Variants in HDHD2 observed in about 807,000 individuals in gnomAD.
The protein encoded by HDHD2 is haloacid dehalogenase-like hydrolase domain-containing protein 2.
A neutral mutation model predicts 24.8 loss-of-function variants in HDHD2; 26 were observed. That is an observed-to-expected ratio of 1.05 (90% CI 0.77 to 1.45). The LOEUF (loss-of-function observed/expected upper bound fraction) is 1.45, where lower values mean the gene tolerates loss of function less well. HDHD2 is among the 40% of genes most tolerant of loss of function. The probability of loss-of-function intolerance (pLI) is 0.00; values close to 1 mark genes in which losing one functional copy is unlikely to be tolerated. For synonymous variants in HDHD2, 128 were observed against 114.9 expected, an observed-to-expected ratio of 1.11 and a Z score of -0.73; for missense variants, 299 against 313.4, an observed-to-expected ratio of 0.95 and a Z score of 0.35.
intron 3 of HDHD2, among the ~76,000 whole-genome samples, chr18:47,134,254 A>C (rs374669053): frequency 2.0e-5 from 3 of 152,364 alleles, no homozygotes; most frequent in African/African-American, 4.8e-5. Flanking sequence ...AGTATTGCTT[A>C]ACTTACATAA....
Position 47,130,216 on chromosome 18 carries a change from C to T in HDHD2, c.395+28G>A, listed in dbSNP as rs770899477. On this transcript the variant is annotated intron_variant, in intron 4 of 6. Coordinates refer to ENST00000300605, the MANE Select transcript of HDHD2 (RefSeq NM_032124.5). Reference sequence around the variant, plus strand: ...AAAGGAAGAAGGGAACTATTATGATCAGATGAAAAATAAATAGCTAGGTTT... The same window carrying T: ...AAAGGAAGAAGGGAACTATTATGATTAGATGAAAAATAAATAGCTAGGTTT... 6.7e-6 allele frequency: 9 copies of T among 1,343,030 alleles called. No homozygotes were observed. In the African/African-American group the frequency reaches 1.3e-4, roughly 20 times the overall value. The allele number at this position is 1,343,030 out of a possible 1,614,324, so 83.2% of individuals were successfully genotyped here. A position where few individuals can be genotyped will look rare whatever the true frequency, so the allele number is the denominator to read the frequency against.
intron 4 of HDHD2, among the ~76,000 whole-genome samples, chr18:47,129,490 T>A (rs1408342391): frequency 2.6e-5 from 4 of 152,118 alleles, no homozygotes; most frequent in African/African-American, 7.2e-5. Flanking sequence ...TCTCAATGTA[T>A]CCTTGACTCA....
At chr18:47,124,728 A>AAC (rs150762794) in intron 4 of HDHD2, among the ~76,000 whole-genome samples, 29 of 149,258 alleles carry the variant, frequency 1.9e-4, no homozygotes, top group African/African-American at 7.1e-4. Flanking sequence ...AAAAAAAAAA[A>AAC]CAACTTTGAC....
At chr18:47,138,737 TCTGA>T (rs1282615337) in intron 1 of HDHD2, among the ~76,000 whole-genome samples, 6 of 152,210 alleles carry the variant, frequency 3.9e-5, no homozygotes, top group Admixed American at 6.5e-5. Context: ...ACAGAATCTC[TCTGA>T]CTTTCTCCTG....
rs1343730609 is a variant in HDHD2, at chr18:47,107,603, C to A, written c.*1079G>T. ...GAACTATTGCAAGGCCCAGGATTAT[C>A]ACAGTATGCAAATGCACTAGGAAAA... is the stretch of plus-strand genomic sequence containing the variant. On this transcript the variant is annotated 3_prime_UTR_variant, in exon 7 of 7. Transcript: ENST00000300605. The A allele has an allele frequency of 6.6e-6, 1 of 152,432 alleles. No individual in the cohort carries two copies. The highest frequency in any genetic ancestry group is 1.5e-5 in the Non-Finnish European group (1 of 68,030). 9.4% of individuals were successfully genotyped at this position (152,432 alleles called of 1,614,324 possible). A position where few individuals can be genotyped will look rare whatever the true frequency, so the allele number is the denominator to read the frequency against.
At chr18:47,127,579 T>C (rs998973548) in intron 4 of HDHD2, among the ~76,000 whole-genome samples, 4 of 152,138 alleles carry the variant, frequency 2.6e-5, no homozygotes, top group African/African-American at 9.7e-5. Context: ...TTCCTCCTAA[T>C]AGTAATCATT....
Position 47,137,161 on chromosome 18 carries a change from T to C in HDHD2, c.-10-712A>G, listed in dbSNP as rs137983916. ...TTGGTAAACTAATGAAAGACTATTG[T>C]GAATGACAGGGATTGTCAATGAGGC... is the stretch of plus-strand genomic sequence containing the variant. On this transcript the variant is annotated intron_variant, in intron 1 of 6. Coordinates refer to ENST00000300605, the MANE Select transcript of HDHD2 (RefSeq NM_032124.5). 2.5e-3 allele frequency: 1,812 copies of C among 718,348 alleles called. 35 individuals are homozygous for C. The highest frequency in any genetic ancestry group is 3.1e-4 in the Non-Finnish European group (119 of 384,576). 44.5% of individuals were successfully genotyped at this position (718,348 alleles called of 1,614,324 possible).
intron 4 of HDHD2, among the ~76,000 whole-genome samples, chr18:47,116,110 A>C (rs960395513): frequency 6.6e-6 from 1 of 152,228 alleles, no homozygotes; most frequent in Admixed American, 6.5e-5. Flanking sequence ...AGGCAAAACA[A>C]CAAGTCAAAA....
At chr18:47,149,686 T>C (rs1352369765) in intron 1 of HDHD2, among the ~76,000 whole-genome samples, 1 of 152,168 alleles carries the variant, frequency 6.6e-6, no homozygotes, top group Non-Finnish European at 1.5e-5. Flanking sequence ...CCTCAGTCTC[T>C]GATAACCATC....
At chr18:47,118,396 T>C (rs912528189) in intron 4 of HDHD2, among the ~76,000 whole-genome samples, 1 of 152,184 alleles carries the variant, frequency 6.6e-6, no homozygotes, top group Non-Finnish European at 1.5e-5. Flanking sequence ...GTGGTACACA[T>C]ACACCATGGA....
intron 1 of HDHD2, among the ~76,000 whole-genome samples, chr18:47,146,500 C>G (rs1281435730): frequency 6.6e-6 from 1 of 152,114 alleles, no homozygotes; most frequent in Non-Finnish European, 1.5e-5. Context: ...CCAAGTATAC[C>G]TTTGAGAGAT....
intron 4 of HDHD2, among the ~76,000 whole-genome samples, chr18:47,129,353 A>G (rs2063690055): frequency 6.6e-6 from 1 of 152,090 alleles, no homozygotes; most frequent in South Asian, 2.1e-4. Context: ...AATATCTTAT[A>G]TACTAGTTCT....
rs1004196603 is a variant in HDHD2 at position 47,111,209 on chromosome 18, C to CA, written c.676+1767dup. On this transcript the variant is annotated intron_variant, in intron 6 of 6. Coordinates refer to ENST00000300605, the MANE Select transcript of HDHD2 (RefSeq NM_032124.5). Reference sequence around the variant, plus strand: ...TGATTGTGTTACGCTGATGGCTTCTCAGAGACTAAACTGATGCCTGTGAAA... The same window carrying CA: ...TGATTGTGTTACGCTGATGGCTTCTCAAGAGACTAAACTGATGCCTGTGAAA... 1.5e-4 allele frequency: 149 copies of CA among 985,188 alleles called. 1 individual carries two copies. In the Middle Eastern group the frequency reaches 8.4e-3, roughly 55 times the overall value. 61.0% of individuals were successfully genotyped at this position (985,188 alleles called of 1,614,324 possible).
chr18:47,115,226 T>C lies in HDHD2; in HGVS notation c.518A>G (p.Lys173Arg). Reference sequence around the variant, plus strand: ...CTCTGGTTTCCCCACGACTGTGGCTTTGGTATCTGTGGCATACTCTAAAGC... The same window carrying C: ...CTCTGGTTTCCCCACGACTGTGGCTCTGGTATCTGTGGCATACTCTAAAGC... The part of the protein sequence containing the change: ...VTALEYATDT[K>R]ATVVGKPEKT... Residue 173 changes from lysine to arginine, a missense_variant, in exon 5 of 7, where the codon AAA becomes AGA. Transcript: ENST00000300605. 6.2e-7 allele frequency: 1 copy of C among 1,614,054 alleles called. No individual in the cohort carries two copies. Among genetic ancestry groups the C allele is most frequent in the African/African-American group, 1.3e-5 (1 of 75,052 alleles).
At chr18:47,149,458 G>GTGAC (rs1163867336) in intron 1 of HDHD2, among the ~76,000 whole-genome samples, 1 of 152,022 alleles carries the variant, frequency 6.6e-6, no homozygotes, top group Non-Finnish European at 1.5e-5. Context: ...AACTCTTCCA[G>GTGAC]TGACTCCCCG....
intron 1 of HDHD2, among the ~76,000 whole-genome samples, chr18:47,142,203 G>T (rs1020657388): frequency 2.0e-5 from 3 of 151,180 alleles, no homozygotes; most frequent in African/African-American, 7.3e-5. Flanking sequence ...GAAATCAAAA[G>T]AATAATATTT....
intron 1 of HDHD2, among the ~76,000 whole-genome samples, chr18:47,147,864 G>A (rs1442569477): frequency 1.3e-5 from 2 of 152,114 alleles, no homozygotes; most frequent in African/African-American, 4.8e-5. Context: ...ACTGACTAAG[G>A]CCTAGAATAA....
chr18:47,138,620 C>T (rs756690465), intron 1 of HDHD2, among the ~76,000 whole-genome samples: 8 of 151,984 alleles, frequency 5.3e-5, no homozygotes, highest in African/African-American at 1.2e-4. Context: ...TCAAAGTGGG[C>T]GAAAGAAGGA....
At chr18:47,119,375 T>C (rs886353790) in intron 4 of HDHD2, among the ~76,000 whole-genome samples, 1 of 152,248 alleles carries the variant, frequency 6.6e-6, no homozygotes, top group African/African-American at 2.4e-5. Flanking sequence ...GTTTATGTAA[T>C]ATTATAAATC....
Sources: allele counts gnomAD v4.1 joint callset (sites outside exome capture counted in the v4.1 genomes callset), GRCh38; gene constraint gnomAD v4.1.1; transcripts MANE v1.5; gene names NCBI Gene and HGNC (gene_info 2026-07-23, HGNC 2026-07-21).